Variants in DIS3L2 observed in about 807,000 individuals in gnomAD.
DIS3L2 encodes DIS3-like exonuclease 2.
A neutral mutation model predicts 97.5 loss-of-function variants in DIS3L2; 34 were observed. That is an observed-to-expected ratio of 0.35 (90% confidence interval 0.27 to 0.46). The LOEUF (loss-of-function observed/expected upper bound fraction) is 0.46. DIS3L2 is among the 20% of genes least tolerant of loss of function. The probability of loss-of-function intolerance (pLI) is 1.00; values close to 1 mark genes in which losing one functional copy is unlikely to be tolerated. For synonymous variants in DIS3L2, 435 were observed against 445.2 expected (o/e 0.98, Z 0.29); for missense variants, 1,038 against 1,146.0 (o/e 0.91, Z 1.36).
At chr2:232,298,342 A>G (rs1694770473) in intron 13 of DIS3L2, among the ~76,000 whole-genome samples, 1 of 152,234 alleles carries the variant, frequency 6.6e-6, no homozygotes, top group Admixed American at 6.5e-5. Flanking sequence ...TTTCTAAGCA[A>G]TGCAGACTCA....
At chr2:232,288,749 C>T (rs1474029867) in intron 13 of DIS3L2, among the ~76,000 whole-genome samples, 1 of 152,272 alleles carries the variant, frequency 6.6e-6, no homozygotes, top group South Asian at 2.1e-4. Context: ...TGAATGCCTA[C>T]CATTATGGTC....
chr2:231,963,406 A>G (rs554277348), intron 1 of DIS3L2, among the ~76,000 whole-genome samples: 8 of 152,082 alleles, frequency 5.3e-5, no homozygotes, highest in Non-Finnish European at 1.2e-4. Flanking sequence ...TCTTCTGAGA[A>G]GTGTTCATGT....
chr2:231,977,528 G>A (rs1253917888), intron 1 of DIS3L2, among the ~76,000 whole-genome samples: 2 of 152,148 alleles, frequency 1.3e-5, no homozygotes, highest in Admixed American at 6.5e-5. Flanking sequence ...GGGTCATTGT[G>A]TGATCTTGTA....
chr2:232,004,915 T>C (rs1330890422), intron 1 of DIS3L2, among the ~76,000 whole-genome samples: 2 of 152,196 alleles, frequency 1.3e-5, no homozygotes, highest in Non-Finnish European at 2.9e-5. Flanking sequence ...TTTTTATTTC[T>C]CTGTTGAGAG....
chr2:232,083,512 T>C (rs918868543), intron 5 of DIS3L2, among the ~76,000 whole-genome samples: 74 of 151,366 alleles, frequency 4.9e-4, no homozygotes, highest in African/African-American at 1.5e-3. Flanking sequence ...TTTTTTTTTT[T>C]GAGACAGAGT....
intron 9 of DIS3L2, among the ~76,000 whole-genome samples, chr2:232,165,367 G>T (rs1484531354): frequency 2.6e-5 from 4 of 152,110 alleles, no homozygotes; most frequent in Non-Finnish European, 5.9e-5. Context: ...ATATATGTGT[G>T]TATACGTATA....
intron 1 of DIS3L2, among the ~76,000 whole-genome samples, chr2:231,993,505 C>T (rs977210471): frequency 1.3e-5 from 2 of 152,132 alleles, no homozygotes; most frequent in Non-Finnish European, 2.9e-5. Flanking sequence ...TGAGCCACCG[C>T]GCCTGGCTGA....
intron 8 of DIS3L2, among the ~76,000 whole-genome samples, chr2:232,137,200 A>G (rs762811970): frequency 1.3e-5 from 2 of 152,164 alleles, no homozygotes; most frequent in East Asian, 1.9e-4. Context: ...AAACTACCCT[A>G]TTGTAAGAAG....
At chr2:232,038,461 A>G (rs780277137) in intron 5 of DIS3L2, among the ~76,000 whole-genome samples, 2 of 152,194 alleles carry the variant, frequency 1.3e-5, no homozygotes, top group Non-Finnish European at 2.9e-5. Flanking sequence ...TGGAAAGCAT[A>G]CAGTAGAGCA....
At chr2:232,095,942 ATGTT>A (rs1028066187) in intron 6 of DIS3L2, among the ~76,000 whole-genome samples, 17 of 151,208 alleles carry the variant, frequency 1.1e-4, no homozygotes, top group African/African-American at 3.4e-4. Context: ...GCTCCATTGT[ATGTT>A]TGTTTGTTTG....
At chr2:232,064,172 A>G (rs546216079) in intron 5 of DIS3L2, among the ~76,000 whole-genome samples, 28 of 152,302 alleles carry the variant, frequency 1.8e-4, no homozygotes, top group African/African-American at 6.7e-4. Flanking sequence ...ACCATAATGA[A>G]GATAGAAAAG....
chr2:231,964,095 CTAGT>C (rs886811609), intron 1 of DIS3L2, among the ~76,000 whole-genome samples: 3 of 152,154 alleles, frequency 2.0e-5, no homozygotes, highest in Non-Finnish European at 4.4e-5. Flanking sequence ...CTGCATGTGG[CTAGT>C]TAGTTATCCC....
At chr2:232,238,455 C>T (rs1051169135) in intron 10 of DIS3L2, 78 bp from the exon 11 acceptor site, 24 of 1,212,378 alleles carry the variant, frequency 2.0e-5, no homozygotes, top group Non-Finnish European at 2.6e-5. Flanking sequence ...GAGTGACATA[C>T]ATTCTAGGAA....
intron 8 of DIS3L2, among the ~76,000 whole-genome samples, chr2:232,157,618 G>A (rs1159890793): frequency 6.6e-6 from 1 of 152,202 alleles, no homozygotes; most frequent in Non-Finnish European, 1.5e-5. Context: ...TAGAGTAAGT[G>A]TCTCTTTTAG....
chr2:232,064,126 G>A (rs1174945870), intron 5 of DIS3L2, among the ~76,000 whole-genome samples: 1 of 152,070 alleles, frequency 6.6e-6, no homozygotes, highest in Non-Finnish European at 1.5e-5. Context: ...CCCTTTAAGT[G>A]TCCGGTTCTA....
intron 8 of DIS3L2, among the ~76,000 whole-genome samples, chr2:232,161,586 T>C (rs1690652950): frequency 2.6e-5 from 4 of 152,176 alleles, no homozygotes; most frequent in Admixed American, 2.6e-4. Flanking sequence ...TTCCTTTGCC[T>C]CAGCCACCCG....
chr2:232,147,960 TCCTCC>T (rs1213163659), intron 8 of DIS3L2, among the ~76,000 whole-genome samples: 221 of 68,102 alleles, frequency 3.2e-3, no homozygotes, highest in Admixed American at 4.8e-3. Context: ...CCCCTCCCTT[TCCTCC>T]CCTCCCCTCC....
intron 5 of DIS3L2, among the ~76,000 whole-genome samples, chr2:232,072,601 T>C (rs1276605449): frequency 6.6e-6 from 1 of 152,062 alleles, no homozygotes; most frequent in Admixed American, 6.6e-5. Context: ...AACTGACATA[T>C]CACTTATGTT....
At chr2:232,026,152 T>C (rs1367403436) in intron 4 of DIS3L2, among the ~76,000 whole-genome samples, 1 of 152,158 alleles carries the variant, frequency 6.6e-6, no homozygotes, top group Non-Finnish European at 1.5e-5. Context: ...TCCTAGCAAG[T>C]GTGGGACCTA....
Sources: gnomAD v4.1 joint callset for allele counts (sites outside exome capture counted in the v4.1 genomes callset) on GRCh38, gnomAD v4.1.1 for gene constraint, MANE v1.5 for transcripts, NCBI Gene and HGNC (gene_info 2026-07-23, HGNC 2026-07-21) for gene names.